The following MAGI1 variants were observed in gnomAD, a reference collection of about 807,000 sequenced individuals.
MAGI1 encodes membrane-associated guanylate kinase, WW and PDZ domain-containing protein 1.
MAGI1 carries 58 observed loss-of-function variants against 139.9 expected under a neutral mutation model. The ratio of observed to expected loss-of-function variants is 0.41; its 90% CI spans 0.34 to 0.52. The LOEUF is 0.52. Ranked by LOEUF, MAGI1 falls within the 20% of genes least tolerant of loss-of-function variation. MAGI1 has a pLI of 0.12. For synonymous variants in MAGI1, 812 were observed against 737.9 expected (o/e 1.10, Z -1.63); for missense variants, 1,874 against 1,901.6 (o/e 0.99, Z 0.27).
At chr3:65,723,087 CA>C (rs1198229950) in intron 1 of MAGI1, among the ~76,000 whole-genome samples, 1 of 151,956 alleles carries the variant, frequency 6.6e-6, no homozygotes, top group African/African-American at 2.4e-5. Flanking sequence ...TCATACAGGT[CA>C]GAAAAAGATG....
intron 1 of MAGI1, among the ~76,000 whole-genome samples, chr3:65,827,335 A>G (rs2042282376): frequency 6.6e-6 from 1 of 152,232 alleles, no homozygotes. Flanking sequence ...CGTAGGAGAC[A>G]AAAACAACTA....
At chr3:65,946,949 C>A (rs186777234) in intron 1 of MAGI1, among the ~76,000 whole-genome samples, 94 of 152,240 alleles carry the variant, frequency 6.2e-4, no homozygotes, top group Non-Finnish European at 1.5e-5. Context: ...GAAAGCTAAG[C>A]AGTATGCAAA....
At chr3:65,988,479 G>A (rs946555882) in intron 1 of MAGI1, among the ~76,000 whole-genome samples, 2 of 152,134 alleles carry the variant, frequency 1.3e-5, no homozygotes, top group South Asian at 2.1e-4. Context: ...TACTAACAAC[G>A]TAGAGATGTG....
chr3:65,986,682 C>T (rs1222556844), intron 1 of MAGI1, among the ~76,000 whole-genome samples: 2 of 152,080 alleles, frequency 1.3e-5, no homozygotes, highest in South Asian at 2.1e-4. Context: ...TTTGAAATGT[C>T]GTCTGGCACC....
At chr3:65,365,015 C>A in intron 18 of MAGI1, 69 bp from the exon 19 acceptor site, 1 of 1,251,552 alleles carries the variant, frequency 8.0e-7, no homozygotes, top group South Asian at 1.2e-5. Context: ...AGGAGGTGTG[C>A]AGAAGCCCTG....
chr3:65,687,725 G>T, intron 1 of MAGI1: 1 of 537,848 alleles, frequency 1.9e-6, no homozygotes, highest in Non-Finnish European at 3.8e-6. Context: ...AACAAAGTCG[G>T]GGGAAGCCTG....
chr3:65,736,989 C>T (rs1028504005), intron 1 of MAGI1, among the ~76,000 whole-genome samples: 1 of 151,824 alleles, frequency 6.6e-6, no homozygotes, highest in African/African-American at 2.4e-5. Flanking sequence ...AATACTGTCA[C>T]ACTTGCATCA....
chr3:65,434,083 A>G lies in MAGI1; in HGVS notation c.1363+3072T>C, dbSNP rs147024143. The stretch of plus-strand genomic sequence containing the variant: ...AGACTACACAAATGAGGTATCCCAC[A>G]AAAACTAAAACAACCAAAAACCTTT... On this transcript the variant is annotated intron_variant, in intron 10 of 22. Transcript: ENST00000402939. 3.5e-3 allele frequency among the ~76,000 whole-genome samples: 531 copies of G among 152,316 alleles called. 3 individuals are homozygous for G. Among genetic ancestry groups the G allele is most frequent in the African/African-American group, 0.012 (494 of 41,576 alleles).
intron 1 of MAGI1, among the ~76,000 whole-genome samples, chr3:65,659,186 G>A (rs952961385): frequency 3.9e-5 from 6 of 152,040 alleles, no homozygotes; most frequent in Admixed American, 1.3e-4. Context: ...ACAGTTACCC[G>A]AGAACTTCCA....
intron 1 of MAGI1, among the ~76,000 whole-genome samples, chr3:65,651,291 G>A (rs1176080367): frequency 6.6e-6 from 1 of 152,010 alleles, no homozygotes; most frequent in African/African-American, 2.4e-5. Flanking sequence ...CATATAAGAA[G>A]AACAAAACAA....
At chr3:65,833,786 GAA>G (rs1165609832) in intron 1 of MAGI1, among the ~76,000 whole-genome samples, 2 of 152,156 alleles carry the variant, frequency 1.3e-5, no homozygotes, top group Non-Finnish European at 2.9e-5. Context: ...TGAGCTCCCA[GAA>G]AAGTTTCCTT....
At chr3:65,921,035 A>T (rs1446862998) in intron 1 of MAGI1, among the ~76,000 whole-genome samples, 1 of 152,070 alleles carries the variant, frequency 6.6e-6, no homozygotes, top group Non-Finnish European at 1.5e-5. Context: ...TCTCAAAAAA[A>T]AAAAACAAAA....
At chr3:65,841,950 T>C (rs1237799391) in intron 1 of MAGI1, among the ~76,000 whole-genome samples, 1 of 152,216 alleles carries the variant, frequency 6.6e-6, no homozygotes, top group Non-Finnish European at 1.5e-5. Flanking sequence ...AGGATCCTTA[T>C]CTATTTTGGT....
intron 1 of MAGI1, among the ~76,000 whole-genome samples, chr3:66,003,026 T>G (rs933746393): frequency 6.6e-6 from 1 of 151,988 alleles, no homozygotes; most frequent in African/African-American, 2.4e-5. Flanking sequence ...CAGGGAGTAT[T>G]AGATCTATAG....
chr3:65,456,597 T>G (rs922464969), intron 5 of MAGI1, among the ~76,000 whole-genome samples: 7 of 152,220 alleles, frequency 4.6e-5, no homozygotes, highest in African/African-American at 1.7e-4. Flanking sequence ...TGCCTAGCCC[T>G]GTATTTCAAA....
Position 65,729,124 on chromosome 3 carries a change from G to T in MAGI1, c.314-107036C>A, listed in dbSNP as rs1475228333. ...AGCAGTTAACAAAAAATGGAACGGG[G>T]GGGGGGGGGGGGATGATATTCACTC... On this transcript the variant is annotated intron_variant, in intron 1 of 22. Transcript: ENST00000402939. Among the ~76,000 whole-genome samples the T allele has an allele frequency of 3.7e-5, 2 of 54,390 alleles. 1 individual carries two copies. Among genetic ancestry groups the T allele is most frequent in the East Asian group, 6.1e-4 (2 of 3,256 alleles). 35.7% of individuals were successfully genotyped at this position (54,390 alleles called of 152,430 possible). A position where few individuals can be genotyped will look rare whatever the true frequency, so the allele number is the denominator to read the frequency against.
At chr3:66,007,851 C>G (rs1323358604) in intron 1 of MAGI1, among the ~76,000 whole-genome samples, 1 of 151,596 alleles carries the variant, frequency 6.6e-6, no homozygotes, top group Non-Finnish European at 1.5e-5. Flanking sequence ...AGAATGTGTG[C>G]CCCACACACT....
chr3:65,437,946 G>A (rs1259337899), intron 9 of MAGI1, among the ~76,000 whole-genome samples: 1 of 152,104 alleles, frequency 6.6e-6, no homozygotes, highest in Non-Finnish European at 1.5e-5. Flanking sequence ...TAGAGAAAAG[G>A]GAATGCTTAT....
chr3:65,999,972 CTT>C (rs3048011), intron 1 of MAGI1, among the ~76,000 whole-genome samples: 3 of 113,280 alleles, frequency 2.6e-5, no homozygotes, highest in African/African-American at 3.4e-5. Context: ...TCCCCCCACG[CTT>C]TTTTTTTTTT....
Sources: allele counts gnomAD v4.1 joint callset (sites outside exome capture counted in the v4.1 genomes callset), GRCh38; gene constraint gnomAD v4.1.1; transcripts MANE v1.5; gene names NCBI Gene and HGNC (gene_info 2026-07-23, HGNC 2026-07-21).